The following ST6GALNAC3 variants were observed in gnomAD, a reference collection of about 807,000 sequenced individuals.
ST6GALNAC3 encodes alpha-N-acetylgalactosaminide alpha-2,6-sialyltransferase 3.
Under a neutral mutation model 32.7 loss-of-function variants are expected in ST6GALNAC3, and 25 were observed. The observed-to-expected ratio is 0.76, with a 90% CI of 0.56 to 1.07. The LOEUF (loss-of-function observed/expected upper bound fraction) is 1.07, where lower values mean the gene tolerates loss of function less well. Among genes scored for constraint, ST6GALNAC3 ranks in the 50% least tolerant of loss-of-function variants. ST6GALNAC3 has a pLI of 0.00. For synonymous variants in ST6GALNAC3, 129 were observed against 133.1 expected, an observed-to-expected ratio of 0.97 and a Z score of 0.21; for missense variants, 355 against 382.4, an observed-to-expected ratio of 0.93 and a Z score of 0.60.
chr1:76,274,769 C>T (rs1414487), intron 1 of ST6GALNAC3, among the ~76,000 whole-genome samples: 91 of 152,124 alleles, frequency 6.0e-4, no homozygotes, highest in African/African-American at 2.2e-3. Flanking sequence ...AGGGTACTCT[C>T]TTATCATTTT....
chr1:76,280,656 G>A (rs72998584), intron 1 of ST6GALNAC3, among the ~76,000 whole-genome samples: 2,133 of 152,192 alleles, frequency 0.014, 46 homozygotes, highest in African/African-American at 0.049. Context: ...GAAATAATGG[G>A]CATAGAATTT....
At chr1:76,484,022 A>T (rs879285658) in intron 3 of ST6GALNAC3, among the ~76,000 whole-genome samples, 3 of 152,140 alleles carry the variant, frequency 2.0e-5, no homozygotes, top group Non-Finnish European at 4.4e-5. Context: ...GTCAAAGATC[A>T]GATGGTTGTA....
chr1:76,505,103 A>G (rs969794244), intron 3 of ST6GALNAC3, among the ~76,000 whole-genome samples: 2 of 151,936 alleles, frequency 1.3e-5, no homozygotes, highest in Admixed American at 6.6e-5. Flanking sequence ...TAGTAGCGAT[A>G]GAAGCAGGAA....
At chr1:76,486,219 T>G (rs992540799) in intron 3 of ST6GALNAC3, among the ~76,000 whole-genome samples, 7 of 152,254 alleles carry the variant, frequency 4.6e-5, no homozygotes, top group African/African-American at 1.7e-4. Context: ...GGGTGGAGAT[T>G]TCTGTAGATG....
At chr1:76,628,226 T>G (rs1469610526) in intron 4 of ST6GALNAC3, among the ~76,000 whole-genome samples, 3 of 151,960 alleles carry the variant, frequency 2.0e-5, no homozygotes, top group African/African-American at 7.2e-5. Flanking sequence ...AGCCACAGTC[T>G]TCATGAACAA....
intron 3 of ST6GALNAC3, among the ~76,000 whole-genome samples, chr1:76,419,045 G>GCACACA (rs147952829): frequency 1.2e-3 from 181 of 148,964 alleles, no homozygotes; most frequent in East Asian, 3.7e-3. Flanking sequence ...ACCCTCATGT[G>GCACACA]CACACACACA....
intron 3 of ST6GALNAC3, among the ~76,000 whole-genome samples, chr1:76,541,390 A>G (rs412361): frequency 0.019 from 2,848 of 152,276 alleles, 80 homozygotes; most frequent in African/African-American, 0.064. Context: ...TTAGAGGCTC[A>G]GCCCAAGTAT....
rs151014710 is a variant in ST6GALNAC3, at chr1:76,335,507, G to A, written c.213+21508G>A. ...ATTTAGACACACCAGTGAACCTCAC[G>A]TGCACAGCTTTGAGAGGGGGGAAGA... is the stretch of plus-strand genomic sequence containing the variant. On this transcript the variant is annotated intron_variant, in intron 2 of 4. Coordinates refer to ENST00000328299, the MANE Select transcript of ST6GALNAC3 (RefSeq NM_152996.4). Among the ~76,000 whole-genome samples the A allele has an allele frequency of 1.4e-4, 22 of 151,996 alleles. No individual in the cohort carries two copies. The East Asian group carries it at 2.5e-3, about 17-fold the overall frequency.
intron 2 of ST6GALNAC3, among the ~76,000 whole-genome samples, chr1:76,408,724 C>A (rs541002862): frequency 2.3e-4 from 34 of 150,454 alleles, no homozygotes; most frequent in Non-Finnish European, 8.9e-5. Flanking sequence ...ATGTAATTTG[C>A]TGCATTTTAT....
intron 1 of ST6GALNAC3, among the ~76,000 whole-genome samples, chr1:76,231,388 G>T (rs114121970): frequency 6.6e-6 from 1 of 151,942 alleles, no homozygotes; most frequent in Admixed American, 6.6e-5. Context: ...ATTTTTAAGC[G>T]TACAATTCAG....
chr1:76,139,209 A>T (rs1260392206), intron 1 of ST6GALNAC3, among the ~76,000 whole-genome samples: 19 of 151,960 alleles, frequency 1.3e-4, no homozygotes, highest in African/African-American at 4.1e-4. Flanking sequence ...AAAAAAAAAA[A>T]AAAAATCTAT....
At chr1:76,489,046 A>G (rs890138826) in intron 3 of ST6GALNAC3, among the ~76,000 whole-genome samples, 2 of 152,156 alleles carry the variant, frequency 1.3e-5, no homozygotes, top group Non-Finnish European at 2.9e-5. Context: ...ATATGTGAAG[A>G]CAGGAGCTGC....
chr1:76,468,554 A>G (rs1658805665), intron 3 of ST6GALNAC3, among the ~76,000 whole-genome samples: 1 of 152,026 alleles, frequency 6.6e-6, no homozygotes, highest in African/African-American at 2.4e-5. Context: ...AATAATGCAA[A>G]TGCTCAAGGC....
chr1:76,339,463 T>C (rs1647776556), intron 2 of ST6GALNAC3, among the ~76,000 whole-genome samples: 2 of 152,190 alleles, frequency 1.3e-5, no homozygotes, highest in African/African-American at 4.8e-5. Flanking sequence ...GCTGATACCT[T>C]GATTTTAACC....
At chr1:76,635,947 A>G (rs1484126669), downstream of ST6GALNAC3, among the ~76,000 whole-genome samples, 1 of 152,120 alleles carries the variant, frequency 6.6e-6, no homozygotes, top group Non-Finnish European at 1.5e-5. Context: ...TTTGATGAAC[A>G]TGTAGCTCTT....
intron 2 of ST6GALNAC3, among the ~76,000 whole-genome samples, chr1:76,333,698 C>T (rs1489742977): frequency 6.6e-6 from 1 of 152,100 alleles, no homozygotes; most frequent in Non-Finnish European, 1.5e-5. Flanking sequence ...TCTATATACA[C>T]TATAAAATTA....
At chr1:76,620,897 G>A (rs1648599764) in intron 3 of ST6GALNAC3, among the ~76,000 whole-genome samples, 1 of 152,024 alleles carries the variant, frequency 6.6e-6, no homozygotes. Context: ...GTTCAGTTAA[G>A]AAAGTGAATG....
chr1:76,613,021 G>A (rs1006593369), intron 3 of ST6GALNAC3, among the ~76,000 whole-genome samples: 1 of 152,162 alleles, frequency 6.6e-6, no homozygotes, highest in Non-Finnish European at 1.5e-5. Flanking sequence ...GGGTGCATGG[G>A]GGCAACCAAA....
At chr1:76,435,091 A>G (rs775813530) in intron 3 of ST6GALNAC3, among the ~76,000 whole-genome samples, 6 of 151,924 alleles carry the variant, frequency 3.9e-5, no homozygotes, top group Non-Finnish European at 7.4e-5. Context: ...GTGCCTGGCC[A>G]CCATTTTATA....
Sources: allele counts gnomAD v4.1 joint callset (sites outside exome capture counted in the v4.1 genomes callset), GRCh38; gene constraint gnomAD v4.1.1; transcripts MANE v1.5; gene names NCBI Gene and HGNC (gene_info 2026-07-23, HGNC 2026-07-21).